The following ZNF385D variants were observed in gnomAD, a reference collection of about 807,000 sequenced individuals.
The protein encoded by ZNF385D is zinc finger protein 659.
A neutral mutation model predicts 35.8 loss-of-function variants in ZNF385D; 15 were observed. The ratio of observed to expected loss-of-function variants is 0.42; its 90% CI spans 0.28 to 0.64. The LOEUF is 0.64. Among genes scored for constraint, ZNF385D ranks in the 30% least tolerant of loss-of-function variants. ZNF385D has a pLI of 0.23. For missense variants in ZNF385D, 474 were observed against 494.6 expected, an observed-to-expected ratio of 0.96 and a Z score of 0.39; for synonymous variants, 212 against 186.8, an observed-to-expected ratio of 1.13 and a Z score of -1.10.
intron 3 of ZNF385D, among the ~76,000 whole-genome samples, chr3:21,833,052 T>G (rs1322161580): frequency 6.6e-6 from 1 of 152,166 alleles, no homozygotes; most frequent in East Asian, 1.9e-4. Context: ...CACTTTCCAC[T>G]CTCACATCAT....
chr3:21,546,938 A>G (rs904526959), intron 3 of ZNF385D, among the ~76,000 whole-genome samples: 1 of 151,490 alleles, frequency 6.6e-6, no homozygotes, highest in Non-Finnish European at 1.5e-5. Flanking sequence ...GAAAGTGGAC[A>G]CTCTTCCCTC....
At chr3:22,073,825 G>T (rs1049738244) in intron 3 of ZNF385D, among the ~76,000 whole-genome samples, 4 of 151,800 alleles carry the variant, frequency 2.6e-5, no homozygotes, top group Admixed American at 2.6e-4. Flanking sequence ...ACAGAAAGAG[G>T]TTATTTATTT....
chr3:21,419,782 G>A lies in ZNF385D; in HGVS notation c.*1432C>T, dbSNP rs1456958317. ...AATTTAATGATAACATGTAACACTG[G>A]ATGGTTATATAATTATTTTATATAG... On this transcript the variant is annotated 3_prime_UTR_variant, in exon 8 of 8. Transcript: ENST00000281523. The A allele has an allele frequency of 6.6e-6, 1 of 151,842 alleles. No homozygotes were observed. The highest frequency in any genetic ancestry group is 6.6e-5 in the Admixed American group (1 of 15,222). 9.4% of individuals were successfully genotyped at this position (151,842 alleles called of 1,614,324 possible).
intron 2 of ZNF385D, among the ~76,000 whole-genome samples, chr3:22,274,535 G>T (rs1247055624): frequency 6.6e-6 from 1 of 151,970 alleles, no homozygotes; most frequent in Admixed American, 6.6e-5. Flanking sequence ...GGCTCATGAT[G>T]TATGTGTGAA....
chr3:22,029,340 G>A (rs1331534974), intron 3 of ZNF385D, among the ~76,000 whole-genome samples: 1 of 152,188 alleles, frequency 6.6e-6, no homozygotes, highest in Non-Finnish European at 1.5e-5. Context: ...GTATGACCAT[G>A]CCCTGTGATT....
intron 3 of ZNF385D, among the ~76,000 whole-genome samples, chr3:21,877,433 C>T (rs768763983): frequency 3.3e-5 from 5 of 152,020 alleles, no homozygotes; most frequent in African/African-American, 1.2e-4. Context: ...TTCCCAGAAA[C>T]GTGTTAGATT....
intron 3 of ZNF385D, among the ~76,000 whole-genome samples, chr3:22,039,608 C>G (rs1698541636): frequency 6.6e-6 from 1 of 151,988 alleles, no homozygotes; most frequent in African/African-American, 2.4e-5. Flanking sequence ...TTTTGACCTA[C>G]AAAATGACAA....
chr3:22,172,483 G>A (rs1187404509), intron 2 of ZNF385D, among the ~76,000 whole-genome samples: 1 of 152,200 alleles, frequency 6.6e-6, no homozygotes, highest in Non-Finnish European at 1.5e-5. Context: ...GATTTATTTA[G>A]TGCACTGTTC....
intron 2 of ZNF385D, among the ~76,000 whole-genome samples, chr3:21,593,250 G>C (rs1417140155): frequency 6.6e-6 from 1 of 152,144 alleles, no homozygotes; most frequent in Non-Finnish European, 1.5e-5. Context: ...TGATGGCCAA[G>C]GGTCTGGGTT....
chr3:22,207,368 C>T (rs1003607975), intron 2 of ZNF385D, among the ~76,000 whole-genome samples: 8 of 151,864 alleles, frequency 5.3e-5, no homozygotes, highest in Non-Finnish European at 8.8e-5. Flanking sequence ...GTAAATGGTG[C>T]TATGAAAAAC....
At chr3:22,315,518 G>A (rs190651689) in intron 2 of ZNF385D, among the ~76,000 whole-genome samples, 40 of 152,288 alleles carry the variant, frequency 2.6e-4, no homozygotes, top group African/African-American at 9.4e-4. Flanking sequence ...AAAGAAAACT[G>A]TTAAAGAAAG....
intron 2 of ZNF385D, among the ~76,000 whole-genome samples, chr3:22,175,199 G>C (rs1559428815): frequency 6.6e-6 from 1 of 151,850 alleles, no homozygotes. Context: ...ATATAACAAA[G>C]ATTTATTATT....
chr3:21,992,772 C>T (rs1236650097), intron 3 of ZNF385D, among the ~76,000 whole-genome samples: 1 of 152,152 alleles, frequency 6.6e-6, no homozygotes, highest in African/African-American at 2.4e-5. Flanking sequence ...AATTGATTTA[C>T]TCTCTTCTGT....
At chr3:22,371,790 C>T (rs77670830) in intron 2 of ZNF385D, among the ~76,000 whole-genome samples, 3,263 of 152,286 alleles carry the variant, frequency 0.021, 113 homozygotes, top group African/African-American at 0.074. Flanking sequence ...TTCAGGAGCC[C>T]TGGCTTACAC....
intron 3 of ZNF385D, among the ~76,000 whole-genome samples, chr3:22,061,654 T>C (rs35757475): frequency 0.1 from 15,949 of 152,164 alleles, 1,107 homozygotes; most frequent in South Asian, 0.27. Context: ...ATACAATGAG[T>C]GTCGATTCTA....
rs546721778 is a variant in ZNF385D, at chr3:21,767,059, A to C, written c.326-102031T>G. Among the ~76,000 whole-genome samples, 6 of 150,172 alleles carry C rather than the reference A, an allele frequency of 4.0e-5. No individual in the cohort carries two copies. The South Asian group carries it at 1.3e-3, about 32-fold the overall frequency. On this transcript the variant is annotated intron_variant, in intron 3 of 5. Transcript: ENST00000494108. ...AAAAGTGGTTAAATAATGTGCGTAC[A>C]ACCCCCCCACCCACCCTCACACACA...
At chr3:21,701,062 A>G (rs2067663871) in intron 1 of ZNF385D, among the ~76,000 whole-genome samples, 1 of 152,228 alleles carries the variant, frequency 6.6e-6, no homozygotes, top group African/African-American at 2.4e-5. Context: ...ATCTGAAGGC[A>G]GAATGAGTAT....
chr3:22,209,122 C>G (rs187272843), intron 2 of ZNF385D, among the ~76,000 whole-genome samples: 76 of 151,856 alleles, frequency 5.0e-4, no homozygotes, highest in Non-Finnish European at 7.5e-4. Flanking sequence ...TTCAGTAAGC[C>G]CATAATATTT....
intron 2 of ZNF385D, among the ~76,000 whole-genome samples, chr3:22,216,654 T>A (rs958028250): frequency 9.9e-5 from 15 of 152,278 alleles, no homozygotes; most frequent in African/African-American, 3.4e-4. Context: ...GATTGAGCTG[T>A]GTCATAGAGA....
Sources: allele counts gnomAD v4.1 joint callset (sites outside exome capture counted in the v4.1 genomes callset), GRCh38; gene constraint gnomAD v4.1.1; transcripts MANE v1.5; gene names NCBI Gene and HGNC (gene_info 2026-07-23, HGNC 2026-07-21).